GLIS3: variants seen among roughly 807,000 people sequenced by gnomAD.
GLIS3 encodes zinc finger protein GLIS3.
Under a neutral mutation model 78.6 loss-of-function variants are expected in GLIS3, and 53 were observed. That is an observed-to-expected ratio of 0.67 (90% CI 0.54 to 0.85). The LOEUF (loss-of-function observed/expected upper bound fraction) is 0.85. Among genes scored for constraint, GLIS3 ranks in the 40% least tolerant of loss-of-function variants. The pLI is 0.00. For synonymous variants in GLIS3, 684 were observed against 509.9 expected, an observed-to-expected ratio of 1.34 and a Z score of -4.60; for missense variants, 1,703 against 1,231.1, an observed-to-expected ratio of 1.38 and a Z score of -5.74.
At chr9:4,378,235 G>T in the GLIS3 span, among the ~76,000 whole-genome samples, 2 of 151,870 alleles carry the variant, frequency 1.3e-5, no homozygotes, top group Non-Finnish European at 2.9e-5. Context: ...CCTCAGTCTG[G>T]GTTGCCAGGT....
chr9:4,255,470 G>A (rs1365418896), intron 2 of GLIS3, among the ~76,000 whole-genome samples: 1 of 152,204 alleles, frequency 6.6e-6, no homozygotes, highest in African/African-American at 2.4e-5. Context: ...TAACCAAGAT[G>A]CCCATCAGTG....
chr9:3,940,908 G>A (rs1260521620), intron 4 of GLIS3, among the ~76,000 whole-genome samples: 1 of 152,130 alleles, frequency 6.6e-6, no homozygotes, highest in African/African-American at 2.4e-5. Flanking sequence ...TGTACGGCTG[G>A]GCAGGTTACA....
chr9:4,120,133 T>G (rs1451174595), intron 3 of GLIS3, among the ~76,000 whole-genome samples: 1 of 152,226 alleles, frequency 6.6e-6, no homozygotes, highest in Non-Finnish European at 1.5e-5. Context: ...TTCCAGCTGT[T>G]AAACATCAAC....
At chr9:4,027,361 A>C (rs1823433419) in intron 4 of GLIS3, among the ~76,000 whole-genome samples, 1 of 152,240 alleles carries the variant, frequency 6.6e-6, no homozygotes. Context: ...GTTTTGCTAA[A>C]ATAGTTCACA....
the GLIS3 span, among the ~76,000 whole-genome samples, chr9:4,421,458 T>A: frequency 6.6e-6 from 1 of 152,342 alleles, no homozygotes; most frequent in South Asian, 2.1e-4. Context: ...AATGCACTGA[T>A]CCATCATACC....
At chr9:4,161,689 T>TC (rs1310363677) in intron 2 of GLIS3, among the ~76,000 whole-genome samples, 2 of 149,344 alleles carry the variant, frequency 1.3e-5, no homozygotes, top group East Asian at 3.9e-4. Context: ...TTTTTTTTTT[T>TC]TTTTTTGAGA....
chr9:4,270,625 A>C (rs1218090427), intron 2 of GLIS3, among the ~76,000 whole-genome samples: 2 of 152,210 alleles, frequency 1.3e-5, no homozygotes, highest in African/African-American at 4.8e-5. Context: ...AGCTTGCTTC[A>C]TGAAGCACAC....
At chr9:3,872,047 G>A (rs1821003162) in intron 8 of GLIS3, among the ~76,000 whole-genome samples, 1 of 152,142 alleles carries the variant, frequency 6.6e-6, no homozygotes, top group Admixed American at 6.5e-5. Flanking sequence ...GCTCTCTCAA[G>A]TTCAAAGTTC....
At chr9:4,279,324 T>TACACACACACACAC (rs141790371) in intron 2 of GLIS3, among the ~76,000 whole-genome samples, 18 of 84,922 alleles carry the variant, frequency 2.1e-4, no homozygotes, top group African/African-American at 8.0e-4. Context: ...AATATATATA[T>TACACACACACACAC]ACACACACAC....
intron 6 of GLIS3, among the ~76,000 whole-genome samples, chr9:3,907,621 CACA>C (rs1823809029): frequency 5.8e-5 from 4 of 69,170 alleles, no homozygotes; most frequent in South Asian, 1.2e-3. Flanking sequence ...CACACACACA[CACA>C]GACACACACA....
the GLIS3 span, among the ~76,000 whole-genome samples, chr9:4,379,339 C>T: frequency 3.3e-5 from 5 of 152,206 alleles, no homozygotes; most frequent in African/African-American, 1.2e-4. Context: ...AAACACCATG[C>T]TACTGTTATT....
chr9:4,163,930 C>A (rs574020266), intron 2 of GLIS3, among the ~76,000 whole-genome samples: 1 of 152,334 alleles, frequency 6.6e-6, no homozygotes, highest in African/African-American at 2.4e-5. Context: ...GCATTTCTAG[C>A]AGCCACACTG....
chr9:4,098,316 G>A (rs1205100986), intron 4 of GLIS3, among the ~76,000 whole-genome samples: 2 of 152,142 alleles, frequency 1.3e-5, no homozygotes, highest in Non-Finnish European at 2.9e-5. Context: ...CTAATGAGAT[G>A]TCCCTCTGTG....
rs1349095448 is a variant in GLIS3 at position 4,332,237 on chromosome 9, G to C, written n.264+14844C>G. ...TAGGATCAACACACTGACCCTAATA[G>C]TCAACATTCACTGATAGCGCCTTTC... On this transcript the variant is annotated intron_variant and non_coding_transcript_variant, in intron 2 of 4. Transcript: ENST00000471664. Among the ~76,000 whole-genome samples the C allele has an allele frequency of 2.6e-5, 4 of 152,172 alleles. No homozygotes were observed. The South Asian group carries it at 6.2e-4, about 24-fold the overall frequency.
At chr9:4,293,899 AG>A (rs961860192) in intron 1 of GLIS3, among the ~76,000 whole-genome samples, 6 of 152,242 alleles carry the variant, frequency 3.9e-5, no homozygotes, top group Non-Finnish European at 7.3e-5. Flanking sequence ...TGGCCCCACC[AG>A]CTTTCCTTGA....
the GLIS3 span, among the ~76,000 whole-genome samples, chr9:4,409,506 C>A: frequency 6.6e-6 from 1 of 152,126 alleles, no homozygotes; most frequent in African/African-American, 2.4e-5. Flanking sequence ...TACAGGCAGT[C>A]TCCTATGTCA....
chr9:4,469,462 A>G, the GLIS3 span, among the ~76,000 whole-genome samples: 1 of 152,226 alleles, frequency 6.6e-6, no homozygotes, highest in African/African-American at 2.4e-5. Flanking sequence ...CAATCAAACT[A>G]GAACTAAGGA....
intron 7 of GLIS3, among the ~76,000 whole-genome samples, chr9:3,891,536 A>C (rs144800243): frequency 6.6e-6 from 1 of 152,236 alleles, no homozygotes; most frequent in Admixed American, 6.5e-5. Flanking sequence ...TCTACACAAA[A>C]TAATTTTAAA....
In GLIS3 at chr9:4,034,132, T is replaced by C. The variant is rs566591264; in HGVS notation, c.1710+83636A>G. On this transcript the variant is annotated intron_variant, in intron 4 of 10. Coordinates refer to ENST00000381971, the MANE Select transcript of GLIS3 (RefSeq NM_001042413.2). ...CAGTCCCAGTTATTCAGGAGTCTAA[T>C]GTAAGAGGATTGCTTGAGCCCAGGA... Among the ~76,000 whole-genome samples, 9 of 152,016 alleles carry C rather than the reference T, an allele frequency of 5.9e-5. No individual in the cohort carries two copies. In the East Asian group the frequency reaches 1.7e-3, roughly 29 times the overall value.
Sources: allele counts gnomAD v4.1 joint callset (sites outside exome capture counted in the v4.1 genomes callset), GRCh38; gene constraint gnomAD v4.1.1; transcripts MANE v1.5; gene names NCBI Gene and HGNC (gene_info 2026-07-23, HGNC 2026-07-21).